Variants in ICA1L observed in about 807,000 individuals in gnomAD.
The protein encoded by ICA1L is islet cell autoantigen 1-like protein.
ICA1L carries 50 observed loss-of-function variants against 61.3 expected under a neutral mutation model. The observed-to-expected ratio is 0.82, with a 90% CI of 0.65 to 1.03. The LOEUF is 1.03. Among genes scored for constraint, ICA1L ranks in the 50% least tolerant of loss-of-function variants. The pLI is 0.00. For synonymous variants in ICA1L, 161 were observed against 191.3 expected, an observed-to-expected ratio of 0.84 and a Z score of 1.31; for missense variants, 508 against 556.7, an observed-to-expected ratio of 0.91 and a Z score of 0.88.
intron 2 of ICA1L, among the ~76,000 whole-genome samples, chr2:202,827,942 C>CT (rs1693894516): frequency 6.6e-6 from 1 of 152,106 alleles, no homozygotes. Flanking sequence ...AACAGAATCC[C>CT]TGCTTAGAAA....
chr2:202,828,792 C>T, intron 2 of ICA1L, 56 bp downstream of exon 2: 2 of 1,450,222 alleles, frequency 1.4e-6, no homozygotes, highest in Non-Finnish European at 1.9e-6. Flanking sequence ...TGCAGTTCCC[C>T]TTGGAGCCCC....
At chr2:202,791,390 A>G (rs1346767726) in intron 10 of ICA1L, among the ~76,000 whole-genome samples, 1 of 152,238 alleles carries the variant, frequency 6.6e-6, no homozygotes, top group Non-Finnish European at 1.5e-5. Flanking sequence ...TAAAAAATAT[A>G]TAAACTCTTA....
chr2:202,779,758 A>C (rs1692336424), intron 12 of ICA1L, 110 bp from the exon 13 acceptor site: 1 of 631,600 alleles, frequency 1.6e-6, no homozygotes, highest in African/African-American at 1.8e-5. Flanking sequence ...AGAAAAAATT[A>C]AGATAACTGA....
chr2:202,868,584 T>A (rs1017887022), intron 1 of ICA1L, among the ~76,000 whole-genome samples: 1 of 152,202 alleles, frequency 6.6e-6, no homozygotes, highest in Non-Finnish European at 1.5e-5. Context: ...TATTTTAGCA[T>A]TGTAATAAAA....
intron 1 of ICA1L, among the ~76,000 whole-genome samples, chr2:202,864,390 C>A (rs1472452113): frequency 6.6e-6 from 1 of 152,104 alleles, no homozygotes; most frequent in African/African-American, 2.4e-5. Flanking sequence ...ACTACAGGCA[C>A]CTGCCACCAC....
chr2:202,819,991 CA>C, intron 4 of ICA1L, 92 bp from the exon 5 acceptor site: 1 of 926,632 alleles, frequency 1.1e-6, no homozygotes, highest in Non-Finnish European at 1.6e-6. Flanking sequence ...TATTTGCTAA[CA>C]AGATGAATCT....
intron 12 of ICA1L, among the ~76,000 whole-genome samples, chr2:202,781,310 C>T (rs116366433): frequency 0.049 from 7,403 of 151,968 alleles, 181 homozygotes; most frequent in Middle Eastern, 0.095. Flanking sequence ...TGGTGGCTCA[C>T]GCCTGTAATT....
intron 1 of ICA1L, chr2:202,841,895 G>C: frequency 4.0e-6 from 1 of 247,766 alleles, no homozygotes; most frequent in Non-Finnish European, 7.9e-6. Context: ...TTTTGTTCTT[G>C]TTGCCCAGAC....
rs1018373861 is a variant in ICA1L at position 202,801,965 on chromosome 2, T to C, written c.911-5001A>G. ...AAGAGCAAACAAATATTGGCTGGTATTCACAAATCACTAAAGAAACAAGCT... is the reference window on the plus strand; with the variant it reads ...AAGAGCAAACAAATATTGGCTGGTACTCACAAATCACTAAAGAAACAAGCT... On this transcript the variant is annotated intron_variant, in intron 9 of 12. Coordinates refer to ENST00000358299, the MANE Select transcript of ICA1L (RefSeq NM_001288622.3). 4.6e-5 allele frequency among the ~76,000 whole-genome samples: 7 copies of C among 152,158 alleles called. No individual in the cohort carries two copies. The East Asian group carries it at 1.3e-3, about 29-fold the overall frequency.
chr2:202,788,960 G>A lies in ICA1L; in HGVS notation c.1113C>T (p.Ala371=). The part of the protein sequence containing the change: ...TSEFTQECQT[A]FGSPSASLTS... The stretch of plus-strand genomic sequence containing the variant: ...TGAGACTGGCACTGGGGCTCCCAAA[G>A]GCAGTCTGGCATTCTTGGGTAAATT... The change falls in exon 11 of 13, where the codon GCC becomes GCT. Residue 371 remains alanine, a synonymous_variant. Transcript: ENST00000358299. 6.2e-7 allele frequency: 1 copy of A among 1,614,148 alleles called. No homozygotes were observed. The highest frequency in any genetic ancestry group is 8.5e-7 in the Non-Finnish European group (1 of 1,180,032).
At chr2:202,840,271 C>T (rs1446620065) in intron 1 of ICA1L, 5 of 443,398 alleles carry the variant, frequency 1.1e-5, no homozygotes, top group South Asian at 1.7e-5. Flanking sequence ...ACAGCGGCCT[C>T]CCTCCCAAGC....
chr2:202,847,703 A>ATATATATATATATATG (rs11274512), intron 1 of ICA1L, among the ~76,000 whole-genome samples: 26 of 131,260 alleles, frequency 2.0e-4, no homozygotes, highest in African/African-American at 4.9e-4. Context: ...AATTATATAT[A>ATATATATATATATATG]TATATAGTTA....
intron 9 of ICA1L, 60 bp downstream of exon 9, chr2:202,811,686 G>C: frequency 1.2e-6 from 1 of 829,408 alleles, no homozygotes; most frequent in Non-Finnish European, 2.0e-6. Flanking sequence ...AAAAGGCTGT[G>C]ATAAACTATT....
chr2:202,817,705 T>C (rs969183471), intron 5 of ICA1L, among the ~76,000 whole-genome samples, 162 bp from the exon 6 acceptor site: 1 of 152,152 alleles, frequency 6.6e-6, no homozygotes, highest in African/African-American at 2.4e-5. Flanking sequence ...TCATGAGTAA[T>C]GATGAAGATT....
intron 4 of ICA1L, among the ~76,000 whole-genome samples, chr2:202,820,594 G>T (rs1285425611): frequency 6.6e-6 from 1 of 152,192 alleles, no homozygotes; most frequent in Non-Finnish European, 1.5e-5. Flanking sequence ...CCTGGGTTTT[G>T]CTAGCAGAAC....
chr2:202,780,003 TA>T (rs1692350067), intron 12 of ICA1L, among the ~76,000 whole-genome samples: 1 of 152,078 alleles, frequency 6.6e-6, no homozygotes, highest in South Asian at 2.1e-4. Flanking sequence ...TGCCTATATT[TA>T]AATAATTGTA....
At chr2:202,857,965 A>G (rs1277596851) in intron 1 of ICA1L, among the ~76,000 whole-genome samples, 1 of 152,158 alleles carries the variant, frequency 6.6e-6, no homozygotes. Flanking sequence ...AAAAGTCAGG[A>G]AACAACAGAT....
intron 8 of ICA1L, among the ~76,000 whole-genome samples, chr2:202,812,927 T>A (rs1693420577): frequency 6.6e-6 from 1 of 152,140 alleles, no homozygotes; most frequent in African/African-American, 2.4e-5. Context: ...TGGAAAAATT[T>A]TACTAAATTA....
chr2:202,841,646 C>T, intron 1 of ICA1L: 1 of 595,728 alleles, frequency 1.7e-6, no homozygotes, highest in Non-Finnish European at 3.2e-6. Flanking sequence ...GATGCTGCTG[C>T]CCACTCGGGA....
Sources: gnomAD v4.1 joint callset for allele counts (sites outside exome capture counted in the v4.1 genomes callset) on GRCh38, gnomAD v4.1.1 for gene constraint, MANE v1.5 for transcripts, NCBI Gene and HGNC (gene_info 2026-07-23, HGNC 2026-07-21) for gene names.